GPHN: variants seen among roughly 807,000 people sequenced by gnomAD.
The protein encoded by GPHN is gephyrin.
Under a neutral mutation model 95.5 loss-of-function variants are expected in GPHN, and 17 were observed. That is an observed-to-expected ratio of 0.18 (90% CI 0.12 to 0.27). The LOEUF (loss-of-function observed/expected upper bound fraction) is 0.27. GPHN is among the 10% of genes least tolerant of loss of function. The pLI is 1.00. For missense variants in GPHN, 660 were observed against 978.1 expected, an observed-to-expected ratio of 0.67 and a Z score of 4.34; for synonymous variants, 320 against 322.5, an observed-to-expected ratio of 0.99 and a Z score of 0.08.
At chr14:67,588,671 G>A in the GPHN span, 1 of 152,358 alleles carries the variant, frequency 6.6e-6, no homozygotes, top group African/African-American at 2.4e-5. Flanking sequence ...AGGAAACTGA[G>A]TTTTATTTCC....
chr14:67,213,039 C>A, the GPHN span, among the ~76,000 whole-genome samples: 1 of 150,946 alleles, frequency 6.6e-6, no homozygotes, highest in African/African-American at 2.4e-5. Context: ...AATGCTTAGG[C>A]CTCACCCCAT....
At chr14:67,667,491 T>C in the GPHN span, among the ~76,000 whole-genome samples, 19,454 of 152,112 alleles carry the variant, frequency 0.13, 1,299 homozygotes, top group East Asian at 0.22. Flanking sequence ...CTACTGACCT[T>C]GTAAGGGTTG....
chr14:66,565,593 C>G (rs1003844483), intron 1 of GPHN, among the ~76,000 whole-genome samples: 1 of 152,076 alleles, frequency 6.6e-6, no homozygotes, highest in African/African-American at 2.4e-5. Context: ...AGCCACCGTG[C>G]CTGGCCTTTA....
intron 1 of GPHN, among the ~76,000 whole-genome samples, chr14:66,655,138 CTA>C (rs1252174413): frequency 6.6e-6 from 1 of 152,004 alleles, no homozygotes; most frequent in Non-Finnish European, 1.5e-5. Flanking sequence ...ATAATATTGT[CTA>C]TGTATACTAA....
intron 3 of GPHN, among the ~76,000 whole-genome samples, chr14:66,795,335 A>T (rs1406609986): frequency 6.6e-6 from 1 of 152,252 alleles, no homozygotes; most frequent in East Asian, 1.9e-4. Flanking sequence ...TAAATTTTAA[A>T]TGTAAATGAC....
At chr14:66,952,254 T>C (rs1227332405) in intron 8 of GPHN, among the ~76,000 whole-genome samples, 3 of 152,226 alleles carry the variant, frequency 2.0e-5, no homozygotes, top group African/African-American at 7.2e-5. Context: ...GGTTTACTTA[T>C]TTTGGACATA....
chr14:67,341,946 C>T, the GPHN span, among the ~76,000 whole-genome samples: 7 of 151,858 alleles, frequency 4.6e-5, no homozygotes, highest in South Asian at 2.1e-4. Flanking sequence ...GGATTAAGGG[C>T]GGTGCAAGAT....
chr14:67,401,187 A>G, the GPHN span, among the ~76,000 whole-genome samples: 1 of 152,024 alleles, frequency 6.6e-6, no homozygotes, highest in South Asian at 2.1e-4. Context: ...TAGAGTCTTT[A>G]TAAGAAAAGG....
chr14:67,387,542 A>G, the GPHN span: 14 of 1,339,790 alleles, frequency 1.0e-5, no homozygotes, highest in Non-Finnish European at 1.4e-5. Context: ...CAACTGAGAC[A>G]TGGACAAAAA....
At chr14:66,955,698 T>C (rs574383201) in intron 8 of GPHN, among the ~76,000 whole-genome samples, 2,540 of 151,708 alleles carry the variant, frequency 0.017, 29 homozygotes, top group Non-Finnish European at 0.026. Flanking sequence ...ATGCTATCCC[T>C]CCCCCCTCCT....
chr14:67,300,054 G>A, the GPHN span, among the ~76,000 whole-genome samples: 1 of 152,092 alleles, frequency 6.6e-6, no homozygotes, highest in Non-Finnish European at 1.5e-5. Context: ...TTAAAGCCTT[G>A]TCCATTGTAA....
intron 1 of GPHN, among the ~76,000 whole-genome samples, chr14:66,650,889 C>T (rs1874090118): frequency 6.6e-6 from 1 of 152,050 alleles, no homozygotes; most frequent in Non-Finnish European, 1.5e-5. Flanking sequence ...TGAATGTGAG[C>T]CTACACACCC....
chr14:66,590,648 T>G (rs913198919), intron 1 of GPHN, among the ~76,000 whole-genome samples: 5 of 152,226 alleles, frequency 3.3e-5, no homozygotes, highest in Admixed American at 1.3e-4. Context: ...GTTCTGAAAT[T>G]GAGGCAGTAA....
the GPHN span, among the ~76,000 whole-genome samples, chr14:67,720,411 A>G: frequency 6.6e-6 from 1 of 152,190 alleles, no homozygotes; most frequent in Non-Finnish European, 1.5e-5. Context: ...GTCTTACTAG[A>G]AAGGTCTTAC....
At chr14:67,360,831 G>A in the GPHN span, 1 of 152,164 alleles carries the variant, frequency 6.6e-6, no homozygotes. Context: ...GCTTTTTCCA[G>A]GCTTGAGAAT....
the GPHN span, among the ~76,000 whole-genome samples, chr14:67,265,024 G>GGTTTTTACTTTGAAGATTTTTTAA: frequency 6.6e-6 from 1 of 151,830 alleles, no homozygotes; most frequent in African/African-American, 2.4e-5. Context: ...AATCTTACTG[G>GGTTTTTACTTTGAAGATTTTTTAA]GTTTTTACTT....
At chr14:67,686,085 T>C in the GPHN span, 1 of 152,204 alleles carries the variant, frequency 6.6e-6, no homozygotes, top group Non-Finnish European at 1.5e-5. Context: ...GGTGCTCACA[T>C]TTTGTCCACA....
the GPHN span, among the ~76,000 whole-genome samples, chr14:67,644,951 T>C: frequency 6.6e-6 from 1 of 150,890 alleles, no homozygotes; most frequent in Non-Finnish European, 1.5e-5. Context: ...TGAGCTGAGA[T>C]TGCGCCACTG....
chr14:67,415,667 T>C, the GPHN span, among the ~76,000 whole-genome samples: 1 of 152,218 alleles, frequency 6.6e-6, no homozygotes, highest in Non-Finnish European at 1.5e-5. Context: ...ATTATAAAGA[T>C]ACATGCATGT....
Sources: gnomAD v4.1 joint callset for allele counts (sites outside exome capture counted in the v4.1 genomes callset) on GRCh38, gnomAD v4.1.1 for gene constraint, MANE v1.5 for transcripts, NCBI Gene and HGNC (gene_info 2026-07-23, HGNC 2026-07-21) for gene names.